ORC4: variants seen among roughly 807,000 people sequenced by gnomAD.
ORC4 encodes the protein origin recognition complex subunit 4, also known as origin recognition complex, subunit 4 homolog.
ORC4 carries 55 observed loss-of-function variants against 63.9 expected under a neutral mutation model. That is an observed-to-expected ratio of 0.86 (90% CI 0.69 to 1.08). The LOEUF is 1.08. Among genes scored for constraint, ORC4 ranks in the 50% least tolerant of loss-of-function variants. ORC4 has a pLI of 0.00. For missense variants in ORC4, 511 were observed against 504.4 expected (o/e 1.01, Z -0.13); for synonymous variants, 150 against 168.5 (o/e 0.89, Z 0.85).
intron 6 of ORC4, among the ~76,000 whole-genome samples, chr2:147,956,999 G>A (rs973646656): frequency 4.6e-5 from 7 of 151,048 alleles, no homozygotes; most frequent in Admixed American, 3.3e-4. Flanking sequence ...TTTATAGATG[G>A]GGCATTTTGA....
At chr2:147,937,861 G>A (rs1688136584) in intron 13 of ORC4, 1 of 363,514 alleles carries the variant, frequency 2.8e-6, no homozygotes, top group African/African-American at 2.1e-5. Flanking sequence ...CCAATCCTTG[G>A]GTTGGAAAGG....
intron 1 of ORC4, among the ~76,000 whole-genome samples, chr2:147,985,677 T>G (rs1285646146): frequency 6.6e-6 from 1 of 152,238 alleles, no homozygotes; most frequent in African/African-American, 2.4e-5. Context: ...AGGTTAGTTC[T>G]AATCACTGTT....
At chr2:147,954,403 C>CGT (rs545383549) in intron 7 of ORC4, among the ~76,000 whole-genome samples, 2 of 152,294 alleles carry the variant, frequency 1.3e-5, no homozygotes, top group South Asian at 4.1e-4. Flanking sequence ...GCCTACTAGA[C>CGT]ACCTAGGCTA....
intron 8 of ORC4, among the ~76,000 whole-genome samples, chr2:147,951,933 T>C (rs1688979152): frequency 6.6e-6 from 1 of 152,234 alleles, no homozygotes; most frequent in Admixed American, 6.5e-5. Flanking sequence ...CTACTGTCAG[T>C]GCTTGGTAGA....
rs758618254 is a variant in ORC4 at position 147,958,329 on chromosome 2, T to G, written c.356A>C (p.Asn119Thr). The G allele has an allele frequency of 6.2e-7, 1 of 1,612,070 alleles. No individual in the cohort carries two copies. Among genetic ancestry groups the G allele is most frequent in the Non-Finnish European group, 8.5e-7 (1 of 1,178,582 alleles). ...TTTATCTCCAACTACATTTTCCAGATTTAACTGCCTTGTGATTTCCTTTAG... is the reference window on the plus strand; with the variant it reads ...TTTATCTCCAACTACATTTTCCAGAGTTAACTGCCTTGTGATTTCCTTTAG... ...IALKEITRQL[N>T]LENVVGDKVF... The change falls in exon 6 of 14, where the codon AAT becomes ACT. Residue 119 changes from asparagine (N) to threonine (T), a missense_variant. Transcript: ENST00000392857.
At chr2:147,975,510 A>G (rs901803214) in intron 2 of ORC4, among the ~76,000 whole-genome samples, 7 of 68,850 alleles carry the variant, frequency 1.0e-4, no homozygotes, top group Admixed American at 1.7e-4. Flanking sequence ...AAAAGGGAAA[A>G]AAAAAAAAAG....
chr2:147,952,433 A>G lies in ORC4; in HGVS notation c.528T>C (p.Leu176=), dbSNP rs757932218. The change falls in exon 8 of 14, where the codon CTT becomes CTC. Residue 176 remains leucine, a synonymous_variant. Coordinates refer to ENST00000392857, the MANE Select transcript of ORC4 (RefSeq NM_181741.4). The part of the protein sequence containing the change: ...HHKNQTLLYN[L]FDISQSAQTP... ...TCTGTGCAGACTGAGAAATGTCAAAAAGATTATAGAGAAGTGTTTGGTTTT... is the reference window on the plus strand; with the variant it reads ...TCTGTGCAGACTGAGAAATGTCAAAGAGATTATAGAGAAGTGTTTGGTTTT... The G allele has an allele frequency of 1.2e-6, 2 of 1,610,816 alleles. No individual in the cohort carries two copies. The highest frequency in any genetic ancestry group is 1.7e-6 in the Non-Finnish European group (2 of 1,177,106).
Position 147,938,552 on chromosome 2 carries a change from T to G in ORC4, c.959-159A>C. 5.0e-6 allele frequency: 3 copies of G among 596,914 alleles called. No homozygotes were observed. In the South Asian group the frequency reaches 6.3e-5, roughly 12 times the overall value. The allele number at this position is 596,914 out of a possible 1,614,324, so 37.0% of individuals were successfully genotyped here. A position where few individuals can be genotyped will look rare whatever the true frequency, so the allele number is the denominator to read the frequency against. On this transcript the variant is annotated intron_variant, in intron 11 of 13. Coordinates refer to ENST00000392857, the MANE Select transcript of ORC4 (RefSeq NM_181741.4). ...AATGTGTTTCAATTATCTATATAAA[T>G]TTAAGTTACTTAACCTCCCTGAGCT...
intron 1 of ORC4, among the ~76,000 whole-genome samples, chr2:148,017,345 C>T (rs1279411013): frequency 6.6e-6 from 1 of 152,208 alleles, no homozygotes; most frequent in Admixed American, 6.5e-5. Context: ...ATTAAAACTG[C>T]CATATAAAAT....
chr2:147,966,766 A>C (rs951037595), intron 4 of ORC4, among the ~76,000 whole-genome samples: 2 of 152,170 alleles, frequency 1.3e-5, no homozygotes, highest in African/African-American at 4.8e-5. Flanking sequence ...GCTGAATTCT[A>C]CTAAACCCTT....
intron 1 of ORC4, among the ~76,000 whole-genome samples, chr2:147,988,267 AC>A (rs1691349358): frequency 1.3e-5 from 2 of 152,172 alleles, no homozygotes; most frequent in South Asian, 4.1e-4. Flanking sequence ...TCCGAGTGGC[AC>A]CATCACATAT....
At chr2:147,987,921 C>T (rs926627982) in intron 1 of ORC4, among the ~76,000 whole-genome samples, 1 of 151,718 alleles carries the variant, frequency 6.6e-6, no homozygotes, top group East Asian at 2.0e-4. Context: ...GGTGTGGTGG[C>T]CGGCGCCTAT....
At chr2:147,966,702 T>G (rs1689913244) in intron 4 of ORC4, among the ~76,000 whole-genome samples, 1 of 151,852 alleles carries the variant, frequency 6.6e-6, no homozygotes, top group South Asian at 2.1e-4. Flanking sequence ...TGAGGTAGAA[T>G]CAGGAATAAA....
intron 6 of ORC4, among the ~76,000 whole-genome samples, chr2:147,956,208 G>C (rs1286168680): frequency 6.6e-6 from 1 of 152,034 alleles, no homozygotes; most frequent in East Asian, 1.9e-4. Context: ...CTCCAGTTGA[G>C]AGATCTAACA....
In ORC4 at chr2:147,931,191, A is replaced by AT. The variant is rs1687712411; in HGVS notation, c.*4318dup. 6.6e-6 allele frequency: 1 copy of AT among 150,844 alleles called. No homozygotes were observed. The highest frequency in any genetic ancestry group is 1.9e-4 in the East Asian group (1 of 5,130). The allele number at this position is 150,844 out of a possible 1,614,324, so 9.3% of individuals were successfully genotyped here. On this transcript the variant is annotated 3_prime_UTR_variant, in exon 14 of 14. Coordinates refer to ENST00000392857, the MANE Select transcript of ORC4 (RefSeq NM_181741.4). ...TCCCTACAAAGGACATGAACTCATC[A>AT]TTTTTTATGGCTGCATAGTATTCCA...
chr2:147,931,537 A>G lies in ORC4; in HGVS notation c.*3973T>C, dbSNP rs1553448100. 1.3e-5 allele frequency: 2 copies of G among 152,110 alleles called. No homozygotes were observed. Among genetic ancestry groups the G allele is most frequent in the Non-Finnish European group, 2.9e-5 (2 of 68,052 alleles). 9.4% of individuals were successfully genotyped at this position (152,110 alleles called of 1,614,324 possible). ...GCACCTGTTGTTTCCTGACTTTTTA[A>G]TGATTGCCATTCTAACTGGATAAAA... On this transcript the variant is annotated 3_prime_UTR_variant, in exon 14 of 14. Coordinates refer to ENST00000392857, the MANE Select transcript of ORC4 (RefSeq NM_181741.4).
intron 4 of ORC4, among the ~76,000 whole-genome samples, chr2:147,966,672 G>C (rs1220857054): frequency 1.3e-5 from 2 of 152,080 alleles, no homozygotes; most frequent in Non-Finnish European, 2.9e-5. Flanking sequence ...AGAAAACCTG[G>C]AGAGACCAAT....
chr2:147,956,413 T>C (rs954506776), intron 6 of ORC4, among the ~76,000 whole-genome samples: 18 of 152,066 alleles, frequency 1.2e-4, no homozygotes, highest in African/African-American at 4.3e-4. Flanking sequence ...TAAAAGATTA[T>C]TACATCTGAT....
At chr2:147,997,527 T>C (rs1254972122) in intron 1 of ORC4, among the ~76,000 whole-genome samples, 2 of 152,142 alleles carry the variant, frequency 1.3e-5, no homozygotes, top group African/African-American at 2.4e-5. Context: ...GAAGAGACTC[T>C]TGCAATATAA....
Sources: allele counts gnomAD v4.1 joint callset (sites outside exome capture counted in the v4.1 genomes callset), GRCh38; gene constraint gnomAD v4.1.1; transcripts MANE v1.5; gene names NCBI Gene and HGNC (gene_info 2026-07-23, HGNC 2026-07-21).